The following PLCG2 variants were observed in gnomAD, a reference collection of about 807,000 sequenced individuals.
PLCG2 encodes phospholipase C gamma 2.
In PLCG2, 69 loss-of-function variants were observed where a neutral mutation model predicts 175.6. That is an observed-to-expected ratio of 0.39 (90% CI 0.32 to 0.48). PLCG2 has a LOEUF of 0.48. Among genes scored for constraint, PLCG2 ranks in the 20% least tolerant of loss-of-function variants. The probability of loss-of-function intolerance (pLI) is 0.91; values close to 1 mark genes in which losing one functional copy is unlikely to be tolerated. For synonymous variants in PLCG2, 827 were observed against 624.0 expected (o/e 1.33, Z -4.85); for missense variants, 1,798 against 1,650.9 (o/e 1.09, Z -1.54).
At chr16:81,764,994 T>G (rs12933468) in intron 2 of PLCG2, among the ~76,000 whole-genome samples, 1 of 91,560 alleles carries the variant, frequency 1.1e-5, no homozygotes, top group Non-Finnish European at 2.5e-5. Context: ...GAGGCTGAGG[T>G]GGGAGCATTG....
rs2143699043 is a variant in PLCG2, at chr16:81,926,013, G to A, written c.2418-1069G>A. 2.0e-5 allele frequency among the ~76,000 whole-genome samples: 3 copies of A among 152,366 alleles called. 1 individual carries two copies. On this transcript the variant is annotated intron_variant, in intron 22 of 32. Transcript: ENST00000564138. ...GACAGGATGCCAGGGGACCACAGAGGAAGAGTGCTCAGCCTAGGGGGCAGT... is the reference window on the plus strand; with the variant it reads ...GACAGGATGCCAGGGGACCACAGAGAAAGAGTGCTCAGCCTAGGGGGCAGT...
At chr16:81,778,156 G>C (rs1187384512), upstream of PLCG2, among the ~76,000 whole-genome samples, 1 of 151,960 alleles carries the variant, frequency 6.6e-6, no homozygotes, top group East Asian at 1.9e-4. Context: ...CAGGAGGATT[G>C]CTTGAGGTCA....
At position 81,903,209 on chromosome 16, in the gene PLCG2, C is replaced by T. The variant is rs1319621409; in HGVS notation, c.1363-2194C>T. Among the ~76,000 whole-genome samples, 3 of 152,208 alleles carry T rather than the reference C, an allele frequency of 2.0e-5. No individual in the cohort carries two copies. The East Asian group carries it at 5.8e-4, about 29-fold the overall frequency. On this transcript the variant is annotated intron_variant, in intron 14 of 32. Coordinates refer to ENST00000564138, the MANE Select transcript of PLCG2 (RefSeq NM_002661.5). ...TTCCAGGTTGGGACAATAGGACACACAAGGGTGTGGTGGTGTCAACACGTG... is the reference window on the plus strand; with the variant it reads ...TTCCAGGTTGGGACAATAGGACACATAAGGGTGTGGTGGTGTCAACACGTG...
At chr16:81,830,004 C>T (rs1030708305) in intron 2 of PLCG2, among the ~76,000 whole-genome samples, 1 of 151,976 alleles carries the variant, frequency 6.6e-6, no homozygotes, top group African/African-American at 2.4e-5. Flanking sequence ...GCTGTCTTGC[C>T]TTCAAGGAGT....
chr16:81,936,895 G>T lies in PLCG2; in HGVS notation c.3052+517G>T. The stretch of plus-strand genomic sequence containing the variant: ...TTTACATTCTTTTTATAGCCACATC[G>T]GATTCCACAGAATGGAACAATCATT... On this transcript the variant is annotated intron_variant, in intron 27 of 32. Coordinates refer to ENST00000564138, the MANE Select transcript of PLCG2 (RefSeq NM_002661.5). Among the ~76,000 whole-genome samples, 2 of 152,260 alleles carry T rather than the reference G, an allele frequency of 1.3e-5. 1 individual carries two copies. Among genetic ancestry groups the T allele is most frequent in the Admixed American group, 1.3e-4 (2 of 15,294 alleles).
intron 3 of PLCG2, among the ~76,000 whole-genome samples, chr16:81,856,011 G>A (rs1906664644): frequency 6.6e-6 from 1 of 152,184 alleles, no homozygotes; most frequent in Non-Finnish European, 1.5e-5. Context: ...AAGGAGACCA[G>A]AAGAACCCGG....
intron 1 of PLCG2, among the ~76,000 whole-genome samples, chr16:81,741,162 C>G (rs557677186): frequency 6.6e-6 from 1 of 152,016 alleles, no homozygotes; most frequent in Admixed American, 6.6e-5. Flanking sequence ...GAGGTGGGTC[C>G]TCCAGGTCTG....
intron 19 of PLCG2, among the ~76,000 whole-genome samples, chr16:81,917,227 CTTTTT>C (rs57305207): frequency 2.8e-5 from 4 of 141,824 alleles, no homozygotes; most frequent in Non-Finnish European, 6.1e-5. Context: ...ACAGGCTTTC[CTTTTT>C]TTTTTTTTTT....
chr16:81,799,815 G>A (rs563835077), intron 2 of PLCG2, among the ~76,000 whole-genome samples: 6 of 151,288 alleles, frequency 4.0e-5, no homozygotes, highest in Non-Finnish European at 7.4e-5. Context: ...GGATGGTCTC[G>A]ATCTCCTGAC....
chr16:81,960,725 T>C lies in PLCG2; in HGVS notation c.*2727T>C, dbSNP rs930371161. The C allele has an allele frequency of 8.7e-6, 2 of 229,014 alleles. No homozygotes were observed. Among genetic ancestry groups the C allele is most frequent in the Non-Finnish European group, 1.7e-5 (2 of 115,446 alleles). 14.2% of individuals were successfully genotyped at this position (229,014 alleles called of 1,614,324 possible). A position where few individuals can be genotyped will look rare whatever the true frequency, so the allele number is the denominator to read the frequency against. ...AAGGCAGCCGGACAACATGTTCTAATACTTCGTATGCTTTGTGACCTAGTT... is the reference window on the plus strand; with the variant it reads ...AAGGCAGCCGGACAACATGTTCTAACACTTCGTATGCTTTGTGACCTAGTT... On this transcript the variant is annotated 3_prime_UTR_variant, in exon 33 of 33. Transcript: ENST00000564138.
chr16:81,820,224 C>T (rs917990550), intron 2 of PLCG2, among the ~76,000 whole-genome samples: 3 of 152,180 alleles, frequency 2.0e-5, no homozygotes, highest in African/African-American at 7.2e-5. Context: ...CATGTGTAGA[C>T]ATGTGTAACC....
intron 2 of PLCG2, among the ~76,000 whole-genome samples, chr16:81,799,315 A>G (rs969955566): frequency 6.6e-6 from 1 of 152,176 alleles, no homozygotes; most frequent in Non-Finnish European, 1.5e-5. Flanking sequence ...TATTCACAAG[A>G]CATTTTCACA....
chr16:81,740,138 CAAA>C (rs5818349), intron 1 of PLCG2: 12 of 88,706 alleles, frequency 1.4e-4, no homozygotes, highest in South Asian at 4.1e-4. Flanking sequence ...ACTCTGTCTC[CAAA>C]AAAAAAAAAA....
intron 2 of PLCG2, among the ~76,000 whole-genome samples, chr16:81,788,383 C>T (rs985127442): frequency 1.3e-5 from 2 of 152,146 alleles, no homozygotes; most frequent in African/African-American, 4.8e-5. Flanking sequence ...CGGATTCATG[C>T]CATTCTCCTG....
At chr16:81,747,142 C>G (rs1278140974) in intron 1 of PLCG2, among the ~76,000 whole-genome samples, 1 of 152,118 alleles carries the variant, frequency 6.6e-6, no homozygotes, top group Admixed American at 6.6e-5. Flanking sequence ...CAATAGCTTT[C>G]AAAATTACAA....
chr16:81,855,192 CAAAAA>C (rs35058756), intron 3 of PLCG2, among the ~76,000 whole-genome samples: 1 of 102,958 alleles, frequency 9.7e-6, no homozygotes, highest in African/African-American at 3.9e-5. Context: ...GACTCTGTCT[CAAAAA>C]AAAAAAAAAA....
chr16:81,746,383 G>T (rs1341975637), intron 1 of PLCG2, among the ~76,000 whole-genome samples: 1 of 152,168 alleles, frequency 6.6e-6, no homozygotes, highest in African/African-American at 2.4e-5. Context: ...AAGCATGGCC[G>T]CAGCGGTGAA....
chr16:81,861,677 T>C (rs1567503799), intron 5 of PLCG2, among the ~76,000 whole-genome samples: 1 of 152,196 alleles, frequency 6.6e-6, no homozygotes, highest in African/African-American at 2.4e-5. Flanking sequence ...CTTCTGACTT[T>C]TCTTTCTCTG....
At chr16:81,758,870 G>A (rs1287420000) in intron 2 of PLCG2, among the ~76,000 whole-genome samples, 1 of 152,060 alleles carries the variant, frequency 6.6e-6, no homozygotes, top group Admixed American at 6.6e-5. Flanking sequence ...TAGAGACGGG[G>A]TTTCACCATG....
Sources: allele counts gnomAD v4.1 joint callset (sites outside exome capture counted in the v4.1 genomes callset), GRCh38; gene constraint gnomAD v4.1.1; transcripts MANE v1.5; gene names NCBI Gene and HGNC (gene_info 2026-07-23, HGNC 2026-07-21).